The following JAZF1 variants were observed in gnomAD, a reference collection of about 807,000 sequenced individuals.
JAZF1 encodes juxtaposed with another zinc finger protein 1.
A neutral mutation model predicts 26.4 loss-of-function variants in JAZF1; 8 were observed. That is an observed-to-expected ratio of 0.30 (90% CI 0.18 to 0.55). JAZF1 has a LOEUF of 0.55. Among genes scored for constraint, JAZF1 ranks in the 20% least tolerant of loss-of-function variants. The pLI is 0.94. For synonymous variants in JAZF1, 126 were observed against 122.3 expected (o/e 1.03, Z -0.20); for missense variants, 199 against 322.0 (o/e 0.62, Z 2.92).
intron 2 of JAZF1, among the ~76,000 whole-genome samples, chr7:27,943,794 T>C (rs1784885334): frequency 6.6e-6 from 1 of 152,200 alleles, no homozygotes; most frequent in South Asian, 2.1e-4. Context: ...CTCTAGAGCA[T>C]TAGCTGAAAG....
At chr7:27,847,400 T>C (rs767531875) in intron 3 of JAZF1, among the ~76,000 whole-genome samples, 1 of 152,204 alleles carries the variant, frequency 6.6e-6, no homozygotes, top group Non-Finnish European at 1.5e-5. Flanking sequence ...CACATTCTCC[T>C]GTTCTCTAAG....
chr7:28,106,381 G>T (rs1202152081), intron 1 of JAZF1, among the ~76,000 whole-genome samples: 1 of 152,130 alleles, frequency 6.6e-6, no homozygotes, highest in African/African-American at 2.4e-5. Context: ...CATGCACCTG[G>T]CTTGCTGAGC....
intron 3 of JAZF1, among the ~76,000 whole-genome samples, chr7:27,884,174 C>T (rs1409181914): frequency 6.6e-6 from 1 of 152,158 alleles, no homozygotes; most frequent in Non-Finnish European, 1.5e-5. Context: ...TTTTCTGAGA[C>T]AGGGTCTCAC....
rs182630955 is a variant in JAZF1 at position 27,886,979 on chromosome 7, C to G, written c.385+8241G>C. ...CTTGAATGGAGCTGGAGGCCATCAT[C>G]CTTAGGAAGCTAACACAGGAACAGA... is the stretch of plus-strand genomic sequence containing the variant. On this transcript the variant is annotated intron_variant, in intron 3 of 4. Transcript: ENST00000283928. 1.8e-4 allele frequency among the ~76,000 whole-genome samples: 27 copies of G among 152,264 alleles called. No individual in the cohort carries two copies. In the East Asian group the frequency reaches 4.0e-3, roughly 23 times the overall value.
chr7:28,099,506 C>T (rs939775880), intron 1 of JAZF1, among the ~76,000 whole-genome samples: 27 of 152,040 alleles, frequency 1.8e-4, no homozygotes, highest in Admixed American at 1.3e-3. Flanking sequence ...GACAGAGTTT[C>T]GCTCTTGTTG....
chr7:27,887,968 G>A (rs1351989388), intron 3 of JAZF1, among the ~76,000 whole-genome samples: 1 of 152,110 alleles, frequency 6.6e-6, no homozygotes, highest in Non-Finnish European at 1.5e-5. Context: ...AAAAGGAAGA[G>A]GAAGAGACAA....
At chr7:28,134,773 T>C (rs895614225) in intron 1 of JAZF1, among the ~76,000 whole-genome samples, 2 of 152,210 alleles carry the variant, frequency 1.3e-5, no homozygotes, top group Admixed American at 6.5e-5. Context: ...TATGTGTATA[T>C]AGGTGTGTGA....
At chr7:27,833,168 C>T in intron 4 of JAZF1, 192 bp from the exon 5 acceptor site, 1 of 370,986 alleles carries the variant, frequency 2.7e-6, no homozygotes, top group Non-Finnish European at 4.8e-6. Flanking sequence ...GATGGTCACA[C>T]ACACAGCTGA....
chr7:28,156,128 A>T (rs1783182108), intron 1 of JAZF1, among the ~76,000 whole-genome samples: 1 of 152,210 alleles, frequency 6.6e-6, no homozygotes, highest in Non-Finnish European at 1.5e-5. Flanking sequence ...ACACCAAATC[A>T]TCTAAATCAT....
intron 1 of JAZF1, among the ~76,000 whole-genome samples, chr7:28,145,929 C>T (rs1160266681): frequency 6.6e-6 from 1 of 152,170 alleles, no homozygotes; most frequent in Non-Finnish European, 1.5e-5. Context: ...GTTTGAGAGT[C>T]ATGCATGTTG....
chr7:27,981,109 A>T (rs1785575243), intron 2 of JAZF1, among the ~76,000 whole-genome samples: 1 of 152,208 alleles, frequency 6.6e-6, no homozygotes, highest in African/African-American at 2.4e-5. Flanking sequence ...CTTAAAAATC[A>T]TTCGTAAACT....
At chr7:28,179,910 C>T (rs1235545211) in intron 1 of JAZF1, among the ~76,000 whole-genome samples, 2 of 144,310 alleles carry the variant, frequency 1.4e-5, no homozygotes, top group African/African-American at 2.5e-5. Flanking sequence ...GGTGGAGCCA[C>T]CCCCGCCCCC....
chr7:28,047,239 C>T, intron 1 of JAZF1, among the ~76,000 whole-genome samples: 1 of 152,152 alleles, frequency 6.6e-6, no homozygotes, highest in East Asian at 1.9e-4. Flanking sequence ...ATGGATTCTC[C>T]ATAGGATATT....
rs150587514 is a variant in JAZF1, at chr7:28,020,670, T to C, written c.116-28689A>G. Reference sequence around the variant, plus strand: ...CCAAGCTCCCTGTTCTCAGTAGAGGTAGAAGTGAGCGAAGGAACTGCTGAT... The same window carrying C: ...CCAAGCTCCCTGTTCTCAGTAGAGGCAGAAGTGAGCGAAGGAACTGCTGAT... On this transcript the variant is annotated intron_variant, in intron 1 of 4. Transcript: ENST00000283928. The C allele has an allele frequency of 2.5e-4, 117 of 471,160 alleles. 3 individuals are homozygous for C. The East Asian group carries it at 5.2e-3, about 21-fold the overall frequency. The allele number at this position is 471,160 out of a possible 1,614,324, so 29.2% of individuals were successfully genotyped here.
chr7:28,107,951 C>A (rs1040688401), intron 1 of JAZF1, among the ~76,000 whole-genome samples: 12 of 152,182 alleles, frequency 7.9e-5, no homozygotes, highest in Non-Finnish European at 1.3e-4. Flanking sequence ...CCAGGCACGC[C>A]TCACTTCCCT....
chr7:27,948,842 G>T (rs1399855466), intron 2 of JAZF1, among the ~76,000 whole-genome samples: 1 of 152,152 alleles, frequency 6.6e-6, no homozygotes, highest in African/African-American at 2.4e-5. Context: ...TTTTTCACTT[G>T]CTTCATTCTA....
At chr7:27,856,264 G>A (rs775771937) in intron 3 of JAZF1, among the ~76,000 whole-genome samples, 2 of 152,180 alleles carry the variant, frequency 1.3e-5, no homozygotes, top group Non-Finnish European at 2.9e-5. Context: ...CAGCTCTTAA[G>A]GCGGCACATC....
At chr7:27,859,718 G>T (rs1783341566) in intron 3 of JAZF1, among the ~76,000 whole-genome samples, 3 of 152,132 alleles carry the variant, frequency 2.0e-5, no homozygotes, top group Admixed American at 6.5e-5. Context: ...GGGGCCTGTT[G>T]GGGCATGGGG....
At chr7:27,977,620 G>A (rs961507633) in intron 2 of JAZF1, among the ~76,000 whole-genome samples, 2 of 152,168 alleles carry the variant, frequency 1.3e-5, no homozygotes, top group Non-Finnish European at 2.9e-5. Flanking sequence ...CCCCGAACAT[G>A]AGCAACCCAC....
Sources: gnomAD v4.1 joint callset for allele counts (sites outside exome capture counted in the v4.1 genomes callset) on GRCh38, gnomAD v4.1.1 for gene constraint, MANE v1.5 for transcripts, NCBI Gene and HGNC (gene_info 2026-07-23, HGNC 2026-07-21) for gene names.